The following ALK variants were observed in gnomAD, a reference collection of about 807,000 sequenced individuals.
The protein encoded by ALK is ALK tyrosine kinase receptor.
Under a neutral mutation model 163.1 loss-of-function variants are expected in ALK, and 74 were observed. That is an observed-to-expected ratio of 0.45 (90% CI 0.38 to 0.55). The LOEUF (loss-of-function observed/expected upper bound fraction) is 0.55, where lower values mean the gene tolerates loss of function less well. Among genes scored for constraint, ALK ranks in the 20% least tolerant of loss-of-function variants. The probability of loss-of-function intolerance (pLI) is 0.00; values close to 1 mark genes in which losing one functional copy is unlikely to be tolerated. For missense variants in ALK, 2,063 were observed against 2,105.3 expected (o/e 0.98, Z 0.39); for synonymous variants, 960 against 843.2 (o/e 1.14, Z -2.40).
chr2:29,493,214 G>T (rs980776976), intron 4 of ALK, among the ~76,000 whole-genome samples: 1 of 152,126 alleles, frequency 6.6e-6, no homozygotes, highest in African/African-American at 2.4e-5. Flanking sequence ...TCCAACACTG[G>T]GATGAAGACT....
At chr2:29,562,133 T>A (rs1484919719) in intron 3 of ALK, among the ~76,000 whole-genome samples, 1 of 152,166 alleles carries the variant, frequency 6.6e-6, no homozygotes, top group Non-Finnish European at 1.5e-5. Flanking sequence ...ACAGCCAGTT[T>A]CTGCTGGACA....
chr2:29,203,423 A>AT lies in ALK; in HGVS notation c.3938+3747dup, dbSNP rs1422671691. On this transcript the variant is annotated intron_variant, in intron 26 of 28. Transcript: ENST00000389048. ...TTATCTCTATTATTTTTTACTATTA[A>AT]TTTTTAAATTTTCTTTGTGGAAGTT... Among the ~76,000 whole-genome samples the AT allele has an allele frequency of 1.3e-4, 11 of 86,380 alleles. No individual in the cohort carries two copies. In the Admixed American group the frequency reaches 1.4e-3, roughly 11 times the overall value. The allele number at this position is 86,380 out of a possible 152,430, so 56.7% of individuals were successfully genotyped here.
At chr2:29,297,714 G>A (rs1277651022) in intron 8 of ALK, among the ~76,000 whole-genome samples, 4 of 152,126 alleles carry the variant, frequency 2.6e-5, no homozygotes, top group Non-Finnish European at 4.4e-5. Context: ...TTTTCATTGT[G>A]TCTTTATTAA....
intron 26 of ALK, among the ~76,000 whole-genome samples, chr2:29,198,094 G>A (rs759697888): frequency 2.0e-5 from 3 of 151,944 alleles, no homozygotes; most frequent in Admixed American, 6.6e-5. Flanking sequence ...ATTGTTTTCA[G>A]TTTTCAAAAT....
At chr2:29,414,498 T>C (rs1242643681) in intron 4 of ALK, among the ~76,000 whole-genome samples, 1 of 152,154 alleles carries the variant, frequency 6.6e-6, no homozygotes, top group Non-Finnish European at 1.5e-5. Flanking sequence ...TGCGAGTAGG[T>C]CATAGTAGGC....
intron 5 of ALK, among the ~76,000 whole-genome samples, chr2:29,345,450 AT>A (rs1667920804): frequency 6.6e-6 from 1 of 151,004 alleles, no homozygotes; most frequent in Non-Finnish European, 1.5e-5. Flanking sequence ...AAATAAATAA[AT>A]AAATAAAAAT....
intron 8 of ALK, among the ~76,000 whole-genome samples, chr2:29,297,829 A>C (rs1207339203): frequency 1.4e-5 from 2 of 138,736 alleles, no homozygotes; most frequent in East Asian, 3.8e-4. Context: ...ACATACTATA[A>C]ACAAGGTTTC....
At chr2:29,910,637 A>G (rs942514107) in intron 1 of ALK, among the ~76,000 whole-genome samples, 3 of 152,214 alleles carry the variant, frequency 2.0e-5, no homozygotes, top group Admixed American at 2.0e-4. Flanking sequence ...GGTAAAGAGC[A>G]TCTCTGACTC....
At chr2:29,789,031 G>GTGTGTGTGTGTGTA (rs1664120034) in intron 1 of ALK, among the ~76,000 whole-genome samples, 1 of 150,748 alleles carries the variant, frequency 6.6e-6, no homozygotes, top group Non-Finnish European at 1.5e-5. Context: ...GTGTGTGTGT[G>GTGTGTGTGTGTGTA]TGTGTGTGTG....
intron 11 of ALK, among the ~76,000 whole-genome samples, chr2:29,266,197 C>A (rs993755286): frequency 8.5e-5 from 13 of 152,306 alleles, no homozygotes; most frequent in Middle Eastern, 3.4e-3. Context: ...ATACCCCACA[C>A]AAATCATTTA....
At chr2:29,315,281 G>C (rs896895950) in intron 8 of ALK, among the ~76,000 whole-genome samples, 1 of 152,044 alleles carries the variant, frequency 6.6e-6, no homozygotes, top group Non-Finnish European at 1.5e-5. Context: ...GGTGGGAGTG[G>C]GGCAGGCTTC....
In ALK at chr2:29,357,050, G is replaced by A. The variant is rs76621202; in HGVS notation, c.1282+26682C>T. Among the ~76,000 whole-genome samples the A allele has an allele frequency of 4.7e-3, 719 of 152,240 alleles. 8 individuals are homozygous for A. Among genetic ancestry groups the A allele is most frequent in the African/African-American group, 0.017 (693 of 41,538 alleles). ...GGCTTTTTCCCATCCAACTGAGTGC[G>A]AAGATTCAACCAGGCCATGGTACTC... On this transcript the variant is annotated intron_variant, in intron 5 of 28. Transcript: ENST00000389048.
intron 3 of ALK, among the ~76,000 whole-genome samples, chr2:29,605,673 C>A (rs1313478715): frequency 6.6e-6 from 1 of 152,176 alleles, no homozygotes; most frequent in Non-Finnish European, 1.5e-5. Flanking sequence ...TCACCAGAAA[C>A]CGGCCATGTG....
chr2:29,675,525 G>T (rs1405265138), intron 3 of ALK, among the ~76,000 whole-genome samples: 2 of 151,922 alleles, frequency 1.3e-5, no homozygotes, highest in African/African-American at 4.8e-5. Context: ...CCAGGGGGAG[G>T]TCCGAACCCT....
rs144754187 is a variant in ALK at position 29,710,652 on chromosome 2, G to C, written c.787+6926C>G. 4.4e-3 allele frequency among the ~76,000 whole-genome samples: 667 copies of C among 152,176 alleles called. 4 individuals carry two copies. Among genetic ancestry groups the C allele is most frequent in the African/African-American group, 0.015 (605 of 41,518 alleles). On this transcript the variant is annotated intron_variant, in intron 2 of 28. Transcript: ENST00000389048. ...TACCTCAGACTTCCAAGTAGCTAAG[G>C]CTACAGGCACATGTGCACCCAGCTA...
intron 4 of ALK, among the ~76,000 whole-genome samples, chr2:29,497,114 A>C (rs903147918): frequency 2.6e-5 from 4 of 152,144 alleles, no homozygotes; most frequent in African/African-American, 4.8e-5. Flanking sequence ...CTACTAAAAA[A>C]TATGAAAATT....
chr2:29,621,517 G>A (rs980565992), intron 3 of ALK, among the ~76,000 whole-genome samples: 1 of 152,152 alleles, frequency 6.6e-6, no homozygotes, highest in African/African-American at 2.4e-5. Context: ...CATGTAGAAG[G>A]CAAGATGAAG....
At chr2:29,745,116 C>A (rs138590996) in intron 1 of ALK, among the ~76,000 whole-genome samples, 3 of 152,160 alleles carry the variant, frequency 2.0e-5, no homozygotes, top group Admixed American at 6.5e-5. Flanking sequence ...TTACTCTGTG[C>A]CTACCATATA....
chr2:29,453,308 T>C (rs1241579700), intron 4 of ALK, among the ~76,000 whole-genome samples: 1 of 152,172 alleles, frequency 6.6e-6, no homozygotes, highest in Non-Finnish European at 1.5e-5. Context: ...CATAGCTCAC[T>C]GCAGCCTCAA....
Sources: gnomAD v4.1 joint callset for allele counts (sites outside exome capture counted in the v4.1 genomes callset) on GRCh38, gnomAD v4.1.1 for gene constraint, MANE v1.5 for transcripts, NCBI Gene and HGNC (gene_info 2026-07-23, HGNC 2026-07-21) for gene names.